SMC5: variants seen among roughly 807,000 people sequenced by gnomAD.
SMC5 encodes structural maintenance of chromosomes protein 5.
Under a neutral mutation model 148.3 loss-of-function variants are expected in SMC5, and 88 were observed. That is an observed-to-expected ratio of 0.59 (90% CI 0.50 to 0.71). The LOEUF is 0.71. Among genes scored for constraint, SMC5 ranks in the 30% least tolerant of loss-of-function variants. The pLI is 0.00. For synonymous variants in SMC5, 421 were observed against 432.8 expected (o/e 0.97, Z 0.34); for missense variants, 1,142 against 1,298.9 (o/e 0.88, Z 1.86).
chr9:70,336,716 A>G (rs1032794359), intron 17 of SMC5, among the ~76,000 whole-genome samples: 5 of 152,148 alleles, frequency 3.3e-5, no homozygotes, highest in Non-Finnish European at 7.4e-5. Flanking sequence ...GAGCTTATGA[A>G]TGTGGTTGTT....
intron 24 of SMC5, among the ~76,000 whole-genome samples, chr9:70,350,945 A>G (rs1333933487): frequency 1.3e-5 from 2 of 152,192 alleles, no homozygotes; most frequent in East Asian, 3.8e-4. Flanking sequence ...ATCTAAAACC[A>G]TTGCAATGGG....
rs1365340366 is a variant in SMC5 at position 70,305,234 on chromosome 9, CTTGT to C, written c.1465-6_1465-3del. On this transcript the variant is annotated splice_polypyrimidine_tract_variant and intron_variant, in intron 10 of 24. Coordinates refer to ENST00000361138, the MANE Select transcript of SMC5 (RefSeq NM_015110.4). ...TTTCATGAAATTCGACCTTTTTTTG[CTTGT>C]TTGTTTAGATCAATATGAAAGATAA... The C allele has an allele frequency of 4.8e-6, 6 of 1,259,900 alleles. No homozygotes were observed. In the African/African-American group the frequency reaches 6.1e-5, roughly 13 times the overall value. The allele number at this position is 1,259,900 out of a possible 1,614,324, so 78.0% of individuals were successfully genotyped here. A position where few individuals can be genotyped will look rare whatever the true frequency, so the allele number is the denominator to read the frequency against.
At chr9:70,294,419 A>G (rs2035142683) in intron 8 of SMC5, among the ~76,000 whole-genome samples, 1 of 152,198 alleles carries the variant, frequency 6.6e-6, no homozygotes, top group African/African-American at 2.4e-5. Context: ...AATAGGTTTA[A>G]TTAGAACTGG....
chr9:70,318,470 A>G, intron 13 of SMC5, 44 bp from the exon 14 acceptor site: 1 of 1,360,244 alleles, frequency 7.4e-7, no homozygotes, highest in Non-Finnish European at 9.9e-7. Flanking sequence ...TTTAAAACAT[A>G]TAATTTATAT....
intron 15 of SMC5, among the ~76,000 whole-genome samples, chr9:70,320,422 GA>G (rs974142568): frequency 6.6e-6 from 1 of 152,082 alleles, no homozygotes; most frequent in Non-Finnish European, 1.5e-5. Flanking sequence ...AGGGAAGAAA[GA>G]AAAATATTCA....
chr9:70,348,057 T>C lies in SMC5; in HGVS notation c.2889+19T>C. ...AAATGAGGTAAAATTGCATTTGAAA[T>C]AAATAATATTTCTGGCAAATAATTT... On this transcript the variant is annotated intron_variant, in intron 22 of 24. Coordinates refer to ENST00000361138, the MANE Select transcript of SMC5 (RefSeq NM_015110.4). The C allele has an allele frequency of 6.5e-7, 1 of 1,536,910 alleles. No individual in the cohort carries two copies. The highest frequency in any genetic ancestry group is 1.3e-5 in the South Asian group (1 of 78,858).
chr9:70,346,320 CT>C, intron 18 of SMC5: 1 of 413,770 alleles, frequency 2.4e-6, no homozygotes, highest in Non-Finnish European at 4.3e-6. Flanking sequence ...ATGTCAAGAT[CT>C]TTTTCAGGGT....
intron 3 of SMC5, among the ~76,000 whole-genome samples, chr9:70,273,071 A>G (rs1019423103): frequency 6.6e-6 from 1 of 151,864 alleles, no homozygotes; most frequent in Non-Finnish European, 1.5e-5. Flanking sequence ...TTTATTTAGA[A>G]TTTTTACATC....
At chr9:70,341,987 C>G (rs1587715041) in intron 17 of SMC5, among the ~76,000 whole-genome samples, 1 of 149,046 alleles carries the variant, frequency 6.7e-6, no homozygotes, top group East Asian at 2.0e-4. Flanking sequence ...TTGGAACCAA[C>G]CCAAATGTCC....
intron 3 of SMC5, among the ~76,000 whole-genome samples, chr9:70,268,705 A>G (rs977822925): frequency 5.3e-5 from 8 of 152,056 alleles, no homozygotes; most frequent in Non-Finnish European, 1.2e-4. Context: ...CCTTCTTGCC[A>G]TCATTCCTAA....
At chr9:70,299,958 C>A in intron 9 of SMC5, 88 bp from the exon 10 acceptor site, 2 of 1,215,534 alleles carry the variant, frequency 1.6e-6, no homozygotes, top group Non-Finnish European at 2.2e-6. Flanking sequence ...ACCTTTAGAA[C>A]TAGGGTATTC....
chr9:70,351,675 G>A (rs1381286090), intron 24 of SMC5, among the ~76,000 whole-genome samples: 1 of 152,112 alleles, frequency 6.6e-6, no homozygotes, highest in African/African-American at 2.4e-5. Context: ...CTAGAGGGCT[G>A]GATTATTCCT....
intron 17 of SMC5, among the ~76,000 whole-genome samples, chr9:70,328,593 A>AG (rs1211028045): frequency 6.6e-6 from 1 of 152,158 alleles, no homozygotes; most frequent in African/African-American, 2.4e-5. Flanking sequence ...GGCAGGGTTC[A>AG]GCCCCCACAG....
Position 70,348,717 on chromosome 9 carries a change from A to ATAAGAATGG in SMC5, c.2889+680_2889+688dup, listed in dbSNP as rs577059899. Among the ~76,000 whole-genome samples the ATAAGAATGG allele has an allele frequency of 1.4e-3, 219 of 152,246 alleles. 1 individual carries two copies. Among genetic ancestry groups the ATAAGAATGG allele is most frequent in the African/African-American group, 5.0e-3 (206 of 41,550 alleles). The stretch of plus-strand genomic sequence containing the variant: ...AAAAAAAAAAAGAATTTAAGAATTT[A>ATAAGAATGG]TAAGAATGGAAATAGTGGGAAATTT... On this transcript the variant is annotated intron_variant, in intron 22 of 24. Coordinates refer to ENST00000361138, the MANE Select transcript of SMC5 (RefSeq NM_015110.4).
chr9:70,339,084 TTAA>T (rs2036442194), intron 17 of SMC5, among the ~76,000 whole-genome samples: 1 of 152,220 alleles, frequency 6.6e-6, no homozygotes, highest in African/African-American at 2.4e-5. Context: ...TTGTGCATAC[TTAA>T]TAAATGTTTG....
At chr9:70,284,457 G>A (rs917259117) in intron 7 of SMC5, among the ~76,000 whole-genome samples, 2 of 152,180 alleles carry the variant, frequency 1.3e-5, no homozygotes, top group African/African-American at 4.8e-5. Flanking sequence ...TTATGTTAAT[G>A]ATGGTTGGTT....
chr9:70,320,744 A>G (rs951539942), intron 15 of SMC5, among the ~76,000 whole-genome samples: 15 of 152,188 alleles, frequency 9.9e-5, no homozygotes, highest in Non-Finnish European at 1.9e-4. Context: ...GACATTGAAT[A>G]TTAAAAATAT....
In SMC5 at chr9:70,323,507, T is replaced by C. The variant is rs2035999022; in HGVS notation, c.2175T>C (p.Thr725=). 1.2e-6 allele frequency: 2 copies of C among 1,611,344 alleles called. No individual in the cohort carries two copies. The highest frequency in any genetic ancestry group is 1.3e-5 in the African/African-American group (1 of 74,802). The change falls in exon 16 of 25, where the codon ACT becomes ACC. Residue 725 remains threonine, a synonymous_variant. Transcript: ENST00000361138. ...LGSLKLMEQD[T]CNLEEEERKA... is the part of the protein sequence containing the mutation. ...GTTTAAAGCTGATGGAACAGGATAC[T>C]TGCAATCTTGAAGAGGAAGAGCGAA...
Position 70,278,490 on chromosome 9 carries a change from G to C in SMC5, c.544-1G>C, listed in dbSNP as rs2034657678. ...GCTGATATTTAATTTTTGTGCTCTAGGACAAAGTTGGAGAATTTGCTAAAC... is the reference window on the plus strand; with the variant it reads ...GCTGATATTTAATTTTTGTGCTCTACGACAAAGTTGGAGAATTTGCTAAAC... On this transcript the variant is annotated splice_acceptor_variant, in intron 4 of 24. Coordinates refer to ENST00000361138, the MANE Select transcript of SMC5 (RefSeq NM_015110.4). LOFTEE classifies it high-confidence loss of function. The C allele has an allele frequency of 1.2e-6, 2 of 1,602,618 alleles. No individual in the cohort carries two copies.
Sources: gnomAD v4.1 joint callset for allele counts (sites outside exome capture counted in the v4.1 genomes callset) on GRCh38, gnomAD v4.1.1 for gene constraint, MANE v1.5 for transcripts, NCBI Gene and HGNC (gene_info 2026-07-23, HGNC 2026-07-21) for gene names.